Variants in SLC66A3 observed in about 807,000 individuals in gnomAD.
SLC66A3 encodes solute carrier family 66 member 3.
A neutral mutation model predicts 25.5 loss-of-function variants in SLC66A3; 23 were observed. The ratio of observed to expected loss-of-function variants is 0.90; its 90% CI spans 0.65 to 1.28. The LOEUF is 1.28. Among genes scored for constraint, SLC66A3 ranks in the 50% most tolerant of loss-of-function variants. The pLI is 0.00. For missense variants in SLC66A3, 246 were observed against 262.1 expected (o/e 0.94, Z 0.42); for synonymous variants, 108 against 112.6 (o/e 0.96, Z 0.26).
chr2:11,159,220 C>T (rs1662024558), intron 1 of SLC66A3, among the ~76,000 whole-genome samples: 1 of 152,230 alleles, frequency 6.6e-6, no homozygotes, highest in Non-Finnish European at 1.5e-5. Context: ...TGTGGCCCCA[C>T]AGAGGGGCTG....
intron 3 of SLC66A3, among the ~76,000 whole-genome samples, chr2:11,161,485 C>CG (rs1287380320): frequency 6.6e-6 from 1 of 151,784 alleles, no homozygotes. Context: ...TTTGTAGATA[C>CG]GGGGTCTCAC....
At chr2:11,177,691 C>G (rs1223845624) in intron 6 of SLC66A3, 46 bp from the exon 7 acceptor site, 1 of 1,252,210 alleles carries the variant, frequency 8.0e-7, no homozygotes, top group Admixed American at 1.8e-5. Context: ...TGGTTTTGGT[C>G]TGTATTGTAA....
intron 4 of SLC66A3, among the ~76,000 whole-genome samples, chr2:11,165,746 G>A (rs1662314552): frequency 1.3e-5 from 2 of 152,232 alleles, no homozygotes; most frequent in Admixed American, 1.3e-4. Context: ...GAGTGAACGA[G>A]ACTCCATCTG....
At chr2:11,159,581 T>C (rs1269378086) in intron 1 of SLC66A3, among the ~76,000 whole-genome samples, 1 of 152,188 alleles carries the variant, frequency 6.6e-6, no homozygotes, top group Non-Finnish European at 1.5e-5. Flanking sequence ...ATCGGACTTT[T>C]CCAGGATTCC....
chr2:11,174,151 T>G (rs981743239), intron 5 of SLC66A3, among the ~76,000 whole-genome samples: 1 of 152,000 alleles, frequency 6.6e-6, no homozygotes, highest in African/African-American at 2.4e-5. Context: ...AGAGACAGGG[T>G]CTCACCATGT....
intron 4 of SLC66A3, among the ~76,000 whole-genome samples, chr2:11,166,975 G>C (rs1662366948): frequency 6.6e-6 from 1 of 152,196 alleles, no homozygotes; most frequent in African/African-American, 2.4e-5. Flanking sequence ...AATTTAACTA[G>C]ATGTCCTGTA....
intron 1 of SLC66A3, among the ~76,000 whole-genome samples, chr2:11,157,916 G>T (rs1284413098): frequency 6.6e-6 from 1 of 152,090 alleles, no homozygotes; most frequent in African/African-American, 2.4e-5. Flanking sequence ...GAGCCTCCTG[G>T]AGCACAAGAT....
At chr2:11,163,529 C>T (rs185985646) in intron 3 of SLC66A3, among the ~76,000 whole-genome samples, 64 of 152,300 alleles carry the variant, frequency 4.2e-4, no homozygotes, top group African/African-American at 9.4e-4. Context: ...TCTCTTGAGT[C>T]GGTGCTACGT....
intron 6 of SLC66A3, among the ~76,000 whole-genome samples, chr2:11,176,736 G>A (rs1471742427): frequency 1.4e-5 from 2 of 144,980 alleles, no homozygotes; most frequent in Non-Finnish European, 3.0e-5. Flanking sequence ...CACCGTTTTA[G>A]CCGGGATGGT....
chr2:11,169,837 C>CTTTTTTT lies in SLC66A3; in HGVS notation c.355-2074_355-2068dup, dbSNP rs1186098636. ...GATTAGAATCACCCTGGATTTCTCT[C>CTTTTTTT]TTTTTTTTTTTTTTTTTTTTGAGAC... On this transcript the variant is annotated intron_variant, in intron 4 of 6. Coordinates refer to ENST00000295083, the MANE Select transcript of SLC66A3 (RefSeq NM_152391.5). Among the ~76,000 whole-genome samples the CTTTTTTT allele has an allele frequency of 7.2e-3, 644 of 88,996 alleles. 47 individuals carry two copies. Among genetic ancestry groups the CTTTTTTT allele is most frequent in the African/African-American group, 0.027 (532 of 19,868 alleles). 58.4% of individuals were successfully genotyped at this position (88,996 alleles called of 152,430 possible). A position where few individuals can be genotyped will look rare whatever the true frequency, so the allele number is the denominator to read the frequency against.
rs555617859 is a variant in SLC66A3, at chr2:11,168,108, G to A, written c.355-3817G>A. Among the ~76,000 whole-genome samples, 13 of 152,084 alleles carry A rather than the reference G, an allele frequency of 8.5e-5. No homozygotes were observed. In the South Asian group the frequency reaches 1.0e-3, roughly 12 times the overall value. On this transcript the variant is annotated intron_variant, in intron 4 of 6. Coordinates refer to ENST00000295083, the MANE Select transcript of SLC66A3 (RefSeq NM_152391.5). ...ATCCTGGCTAACACGGTGAAACCTC[G>A]TCTCTACTAAAAATATATAAAAAAA...
intron 4 of SLC66A3, among the ~76,000 whole-genome samples, chr2:11,166,901 C>T (rs1211845321): frequency 1.3e-5 from 2 of 151,966 alleles, no homozygotes; most frequent in Non-Finnish European, 2.9e-5. Context: ...TCTCAAAAAA[C>T]AAACAAAATA....
At chr2:11,174,057 C>T (rs573819417) in intron 5 of SLC66A3, among the ~76,000 whole-genome samples, 8 of 152,206 alleles carry the variant, frequency 5.3e-5, no homozygotes, top group African/African-American at 1.4e-4. Context: ...CGGTTTCAAG[C>T]GATTCTCCTG....
chr2:11,173,011 C>T (rs62120157), intron 5 of SLC66A3, among the ~76,000 whole-genome samples: 4,224 of 152,204 alleles, frequency 0.028, 91 homozygotes, highest in Non-Finnish European at 0.043. Flanking sequence ...TACAGGCACA[C>T]GCCACCATGC....
At chr2:11,166,118 C>T (rs1297887704) in intron 4 of SLC66A3, among the ~76,000 whole-genome samples, 1 of 152,210 alleles carries the variant, frequency 6.6e-6, no homozygotes, top group African/African-American at 2.4e-5. Flanking sequence ...AGATGATCCA[C>T]ACGCCTCGGC....
intron 1 of SLC66A3, among the ~76,000 whole-genome samples, chr2:11,157,030 T>C (rs1242564633): frequency 2.0e-5 from 3 of 152,188 alleles, no homozygotes; most frequent in Non-Finnish European, 4.4e-5. Flanking sequence ...AAGCTGAAGC[T>C]GGACCCATGA....
chr2:11,161,371 TC>T (rs1662124846), intron 3 of SLC66A3, among the ~76,000 whole-genome samples: 2 of 151,932 alleles, frequency 1.3e-5, no homozygotes, highest in African/African-American at 4.8e-5. Flanking sequence ...CTTGACCTCC[TC>T]GGTCAAGCTT....
At position 11,163,072 on chromosome 2, in the gene SLC66A3, C is replaced by T. The variant is rs548228324; in HGVS notation, c.297-1132C>T. ...TGGGCAACATAGTGGGATTCCCTAG[C>T]GCTCCAAAAATATAAGAGAAAAAAT... is the stretch of plus-strand genomic sequence containing the variant. On this transcript the variant is annotated intron_variant, in intron 3 of 6. Transcript: ENST00000295083. Among the ~76,000 whole-genome samples, 18 of 152,236 alleles carry T rather than the reference C, an allele frequency of 1.2e-4. No individual in the cohort carries two copies. The South Asian group carries it at 3.1e-3, about 26-fold the overall frequency.
chr2:11,164,899 T>C (rs1662263654), intron 4 of SLC66A3, among the ~76,000 whole-genome samples: 1 of 152,232 alleles, frequency 6.6e-6, no homozygotes, highest in African/African-American at 2.4e-5. Flanking sequence ...GAATTTTTCT[T>C]AGTACAGAAC....
Sources: allele counts gnomAD v4.1 joint callset (sites outside exome capture counted in the v4.1 genomes callset), GRCh38; gene constraint gnomAD v4.1.1; transcripts MANE v1.5; gene names NCBI Gene and HGNC (gene_info 2026-07-23, HGNC 2026-07-21).